TEX29: variants seen among roughly 807,000 people sequenced by gnomAD.
TEX29 encodes the protein testis-expressed protein 29.
Under a neutral mutation model 18.2 loss-of-function variants are expected in TEX29, and 26 were observed. The observed-to-expected ratio is 1.43, with a 90% CI of 1.04 to 1.98. TEX29 has a LOEUF of 1.98. Ranked by LOEUF, TEX29 falls within the 30% of genes most tolerant of loss-of-function variation. The probability of loss-of-function intolerance (pLI) is 0.00; values close to 1 mark genes in which losing one functional copy is unlikely to be tolerated. For missense variants in TEX29, 177 were observed against 194.2 expected (o/e 0.91, Z 0.53); for synonymous variants, 83 against 78.5 (o/e 1.06, Z -0.31).
upstream of TEX29, chr13:111,320,540 G>A (rs530331292): frequency 2.2e-5 from 8 of 362,254 alleles, no homozygotes; most frequent in African/African-American, 6.2e-5. Flanking sequence ...AGGTGGACAC[G>A]CACACGGCTC....
In TEX29 at chr13:111,336,549, A is replaced by G. The variant is rs115093828; in HGVS notation, c.170-3314A>G. 3.6e-3 allele frequency among the ~76,000 whole-genome samples: 491 copies of G among 136,154 alleles called. 4 individuals carry two copies. The highest frequency in any genetic ancestry group is 0.012 in the African/African-American group (475 of 41,002). The allele number at this position is 136,154 out of a possible 152,430, so 89.3% of individuals were successfully genotyped here. A position where few individuals can be genotyped will look rare whatever the true frequency, so the allele number is the denominator to read the frequency against. ...CAGAAAGAATTGGGAATTCAAAGAGAAAGACTTGCCTTCATTCTTCAGTCT... is the reference window on the plus strand; with the variant it reads ...CAGAAAGAATTGGGAATTCAAAGAGGAAGACTTGCCTTCATTCTTCAGTCT... On this transcript the variant is annotated intron_variant, in intron 3 of 5. Transcript: ENST00000283547.
Position 111,344,220 on chromosome 13 carries a change from A to G in TEX29, c.*97A>G, listed in dbSNP as rs2093701229. On this transcript the variant is annotated 3_prime_UTR_variant, in exon 6 of 6. Transcript: ENST00000283547. ...AGTGTGATGGAATGACCACCCAAAG[A>G]GAAAAAAATAAAGGTATTTTGAAAA... 4.0e-6 allele frequency: 4 copies of G among 1,012,488 alleles called. No individual in the cohort carries two copies. Among genetic ancestry groups the G allele is most frequent in the South Asian group, 1.4e-5 (1 of 69,678 alleles). 62.7% of individuals were successfully genotyped at this position (1,012,488 alleles called of 1,614,324 possible).
intron 3 of TEX29, chr13:111,339,455 A>G (rs1359432893): frequency 7.1e-6 from 3 of 424,790 alleles, no homozygotes; most frequent in African/African-American, 2.1e-5. Flanking sequence ...AGCCAGCGCC[A>G]TCTCTCAGCA....
chr13:111,339,569 G>A lies in TEX29; in HGVS notation c.170-294G>A, dbSNP rs1438488131. On this transcript the variant is annotated intron_variant, in intron 3 of 5. Coordinates refer to ENST00000283547, the MANE Select transcript of TEX29 (RefSeq NM_152324.3). ...CTCCCGGGGGTCAGGACCCAGTGCC[G>A]TCTCTCCATGCACTCCCGGGGGTCA... is the stretch of plus-strand genomic sequence containing the variant. The A allele has an allele frequency of 2.7e-5, 14 of 520,016 alleles. 1 individual carries two copies. The highest frequency in any genetic ancestry group is 1.0e-4 in the South Asian group (5 of 49,370). The allele number at this position is 520,016 out of a possible 1,614,324, so 32.2% of individuals were successfully genotyped here.
chr13:111,335,725 A>T (rs2153641894), intron 3 of TEX29, among the ~76,000 whole-genome samples: 1 of 152,316 alleles, frequency 6.6e-6, no homozygotes, highest in East Asian at 1.9e-4. Context: ...ATTTAAGTTT[A>T]TTCTTTCAAT....
At chr13:111,332,582 G>A (rs375589677) in intron 3 of TEX29, among the ~76,000 whole-genome samples, 1 of 152,128 alleles carries the variant, frequency 6.6e-6, no homozygotes, top group Non-Finnish European at 1.5e-5. Context: ...GAACTAGGAA[G>A]AGCAGAAGCT....
At chr13:111,319,202 G>A (rs545416980), upstream of TEX29, among the ~76,000 whole-genome samples, 4 of 152,262 alleles carry the variant, frequency 2.6e-5, no homozygotes, top group East Asian at 1.9e-4. Flanking sequence ...CGTGTGACCC[G>A]GCAATTCCAC....
At chr13:111,328,360 C>A in intron 3 of TEX29, 67 bp downstream of exon 3, 1 of 1,066,346 alleles carries the variant, frequency 9.4e-7, no homozygotes, top group Non-Finnish European at 1.5e-6. Flanking sequence ...CGACCACTGC[C>A]CTGCCTGTCT....
At chr13:111,338,799 C>T (rs971314894) in intron 3 of TEX29, among the ~76,000 whole-genome samples, 3 of 152,186 alleles carry the variant, frequency 2.0e-5, no homozygotes, top group Admixed American at 2.0e-4. Context: ...TTAAAAAATT[C>T]CTTACATCAA....
intron 5 of TEX29, among the ~76,000 whole-genome samples, chr13:111,343,264 A>G (rs1450335165): frequency 6.6e-6 from 1 of 152,084 alleles, no homozygotes; most frequent in Non-Finnish European, 1.5e-5. Flanking sequence ...GAAACTGCAC[A>G]TTTGATCAGG....
chr13:111,320,140 C>T (rs538837842), upstream of TEX29, among the ~76,000 whole-genome samples: 14 of 152,332 alleles, frequency 9.2e-5, no homozygotes, highest in East Asian at 2.7e-3. Context: ...CCCTGGAGGC[C>T]GCCTGCCCAC....
rs140231021 is a variant in TEX29, at chr13:111,334,031, A to C, written c.169+5738A>C. Among the ~76,000 whole-genome samples the C allele has an allele frequency of 8.3e-4, 126 of 152,300 alleles. No homozygotes were observed. The South Asian group carries it at 0.011, about 13-fold the overall frequency. On this transcript the variant is annotated intron_variant, in intron 3 of 5. Coordinates refer to ENST00000283547, the MANE Select transcript of TEX29 (RefSeq NM_152324.3). ...CTTCTAGTTCTTTGAATATGCTTAA[A>C]ATGGTTGATTTAAAGTCTTTGTCAA... is the stretch of plus-strand genomic sequence containing the variant.
chr13:111,328,768 A>G (rs2093678239), intron 3 of TEX29, among the ~76,000 whole-genome samples: 1 of 152,156 alleles, frequency 6.6e-6, no homozygotes, highest in Non-Finnish European at 1.5e-5. Flanking sequence ...CTTCAACGTC[A>G]GACTAGAAGC....
chr13:111,327,900 G>T (rs187704446), intron 2 of TEX29, among the ~76,000 whole-genome samples: 2 of 152,334 alleles, frequency 1.3e-5, no homozygotes, highest in South Asian at 2.1e-4. Flanking sequence ...GGGCTCTGTC[G>T]TGCGCCGTGC....
At chr13:111,342,101 A>C (rs569420628) in intron 4 of TEX29, among the ~76,000 whole-genome samples, 1 of 152,332 alleles carries the variant, frequency 6.6e-6, no homozygotes, top group South Asian at 2.1e-4. Flanking sequence ...GGGGCCAAGG[A>C]AGCAGGTGGC....
rs1007718186 is a variant in TEX29 at position 111,320,752 on chromosome 13, G to A, written c.-45G>A. Reference sequence around the variant, plus strand: ...GTGGCTGAGGGGACCCGCCTGGGATGTGAGGCGCAGGTGAGTCGATGAACG... The same window carrying A: ...GTGGCTGAGGGGACCCGCCTGGGATATGAGGCGCAGGTGAGTCGATGAACG... On this transcript the variant is annotated 5_prime_UTR_variant, in exon 1 of 6. The change creates a new upstream start codon in the 5' untranslated region. Transcript: ENST00000283547. The A allele has an allele frequency of 3.3e-5, 33 of 1,001,692 alleles. No homozygotes were observed. Among genetic ancestry groups the A allele is most frequent in the Admixed American group, 7.1e-5 (4 of 56,512 alleles). 62.1% of individuals were successfully genotyped at this position (1,001,692 alleles called of 1,614,324 possible).
chr13:111,328,718 G>A (rs2093678149), intron 3 of TEX29, among the ~76,000 whole-genome samples: 1 of 152,200 alleles, frequency 6.6e-6, no homozygotes, highest in Admixed American at 6.5e-5. Flanking sequence ...TCCACCAGGG[G>A]CTCTGTGAGC....
intron 3 of TEX29, among the ~76,000 whole-genome samples, chr13:111,331,170 C>A (rs916968110): frequency 6.6e-6 from 1 of 152,198 alleles, no homozygotes; most frequent in African/African-American, 2.4e-5. Flanking sequence ...CAATCAGCAG[C>A]GTATGCGAGT....
At chr13:111,324,555 TGA>T (rs2153641308) in intron 2 of TEX29, among the ~76,000 whole-genome samples, 1 of 152,336 alleles carries the variant, frequency 6.6e-6, no homozygotes, top group East Asian at 1.9e-4. Context: ...GGCGCTGCCC[TGA>T]GAGAGTCTCT....
Sources: allele counts gnomAD v4.1 joint callset (sites outside exome capture counted in the v4.1 genomes callset), GRCh38; gene constraint gnomAD v4.1.1; transcripts MANE v1.5; gene names NCBI Gene and HGNC (gene_info 2026-07-23, HGNC 2026-07-21).